The following TNFSF4 variants were observed in gnomAD, a reference collection of about 807,000 sequenced individuals.
TNFSF4 encodes TNF superfamily member 4.
A neutral mutation model predicts 7.3 loss-of-function variants in TNFSF4; 4 were observed. The observed-to-expected ratio is 0.55, with a 90% CI of 0.27 to 1.25. The LOEUF (loss-of-function observed/expected upper bound fraction) is 1.25. TNFSF4 is among the 50% of genes most tolerant of loss of function. The probability of loss-of-function intolerance (pLI) is 0.12; values close to 1 mark genes in which losing one functional copy is unlikely to be tolerated. For missense variants in TNFSF4, 181 were observed against 208.8 expected (o/e 0.87, Z 0.82); for synonymous variants, 76 against 83.7 (o/e 0.91, Z 0.50).
chr1:173,211,342 T>A (rs987620094), upstream of TNFSF4, among the ~76,000 whole-genome samples: 2 of 152,224 alleles, frequency 1.3e-5, no homozygotes, highest in African/African-American at 4.8e-5. Context: ...TGGTTAATGT[T>A]TTTGTACTCC....
At chr1:173,292,082 A>G in the TNFSF4 span, among the ~76,000 whole-genome samples, 1 of 152,050 alleles carries the variant, frequency 6.6e-6, no homozygotes, top group South Asian at 2.1e-4. Context: ...TATCAATCCT[A>G]CTGAAATTAT....
At chr1:173,173,595 T>C in the TNFSF4 span, among the ~76,000 whole-genome samples, 2 of 152,252 alleles carry the variant, frequency 1.3e-5, no homozygotes, top group Non-Finnish European at 2.9e-5. Flanking sequence ...CTCTGAAATC[T>C]AGGCAGAGGT....
At chr1:173,417,598 T>C in the TNFSF4 span, among the ~76,000 whole-genome samples, 4 of 152,310 alleles carry the variant, frequency 2.6e-5, no homozygotes, top group Non-Finnish European at 5.9e-5. Context: ...CAGAGTCCCA[T>C]AGAGGGTGAG....
At chr1:173,419,210 C>T in the TNFSF4 span, among the ~76,000 whole-genome samples, 2 of 151,980 alleles carry the variant, frequency 1.3e-5, no homozygotes, top group Admixed American at 6.6e-5. Context: ...GGTGTGGTGG[C>T]GGGCACCTGT....
chr1:173,411,819 T>A, the TNFSF4 span, among the ~76,000 whole-genome samples: 81,488 of 150,146 alleles, frequency 0.54, 23,841 homozygotes, highest in Middle Eastern at 0.74. Flanking sequence ...AATAAAAAAA[T>A]TTTAAAAAGG....
chr1:173,400,622 G>T, the TNFSF4 span, among the ~76,000 whole-genome samples: 2 of 152,208 alleles, frequency 1.3e-5, no homozygotes, highest in African/African-American at 4.8e-5. Flanking sequence ...AAAAAAAGGA[G>T]TTCCTTTGCT....
chr1:173,187,561 A>G (rs1649284953), intron 2 of TNFSF4, among the ~76,000 whole-genome samples: 1 of 152,192 alleles, frequency 6.6e-6, no homozygotes, highest in Non-Finnish European at 1.5e-5. Flanking sequence ...CTGTGGATTC[A>G]GGGTGGGCTC....
chr1:173,331,074 G>A, the TNFSF4 span, among the ~76,000 whole-genome samples: 9 of 151,888 alleles, frequency 5.9e-5, no homozygotes, highest in African/African-American at 1.9e-4. Context: ...TAGTGGAGAC[G>A]GGGTTTCACC....
At chr1:173,242,805 C>T in the TNFSF4 span, among the ~76,000 whole-genome samples, 1 of 152,238 alleles carries the variant, frequency 6.6e-6, no homozygotes, top group East Asian at 1.9e-4. Context: ...AGAGTGTCCC[C>T]TGCAGTCTAC....
the TNFSF4 span, among the ~76,000 whole-genome samples, chr1:173,250,755 G>A: frequency 2.0e-5 from 3 of 152,106 alleles, no homozygotes; most frequent in African/African-American, 4.8e-5. Flanking sequence ...CACCGCGCCC[G>A]GCCTCTCCAG....
the TNFSF4 span, among the ~76,000 whole-genome samples, chr1:173,357,845 C>G: frequency 1.8e-4 from 27 of 152,118 alleles, no homozygotes; most frequent in Non-Finnish European, 3.4e-4. Context: ...TCTTCCATCA[C>G]ACCACTCTGC....
the TNFSF4 span, among the ~76,000 whole-genome samples, chr1:173,258,800 A>T: frequency 6.6e-6 from 1 of 152,150 alleles, no homozygotes; most frequent in Non-Finnish European, 1.5e-5. Context: ...GTTTCCCTGC[A>T]GGAATTTCAG....
At chr1:173,340,198 C>T in the TNFSF4 span, among the ~76,000 whole-genome samples, 1 of 152,060 alleles carries the variant, frequency 6.6e-6, no homozygotes. Context: ...GGTCTCGAGC[C>T]TAGTATCCTC....
At chr1:173,394,302 G>A in the TNFSF4 span, among the ~76,000 whole-genome samples, 3 of 150,940 alleles carry the variant, frequency 2.0e-5, no homozygotes, top group South Asian at 2.1e-4. Context: ...ATCCTGACTT[G>A]AGGACTGCAG....
the TNFSF4 span, among the ~76,000 whole-genome samples, chr1:173,385,849 GA>G: frequency 2.8e-5 from 4 of 140,938 alleles, no homozygotes; most frequent in Admixed American, 7.0e-5. Context: ...CTCAGAAAAA[GA>G]AAAAAAAAAG....
At chr1:173,416,044 A>C in the TNFSF4 span, among the ~76,000 whole-genome samples, 1 of 152,170 alleles carries the variant, frequency 6.6e-6, no homozygotes, top group East Asian at 1.9e-4. Context: ...CCAGGCCAGA[A>C]GATTGGCTCC....
the TNFSF4 span, among the ~76,000 whole-genome samples, chr1:173,217,681 G>C: frequency 6.6e-6 from 1 of 152,014 alleles, no homozygotes; most frequent in Non-Finnish European, 1.5e-5. Context: ...ATAATATTTT[G>C]GATCTATTAT....
the TNFSF4 span, among the ~76,000 whole-genome samples, chr1:173,300,112 TAGATAGATAG>T: frequency 1.1e-4 from 1 of 9,054 alleles, no homozygotes; most frequent in Non-Finnish European, 3.7e-4. Context: ...GATAGATAGA[TAGATAGATAG>T]ATAGATAGAT....
the TNFSF4 span, among the ~76,000 whole-genome samples, chr1:173,329,581 T>C: frequency 6.6e-6 from 1 of 152,118 alleles, no homozygotes; most frequent in Admixed American, 6.6e-5. Flanking sequence ...TAGTTGTCTA[T>C]TAGAGCAGGG....
Sources: gnomAD v4.1 joint callset for allele counts (sites outside exome capture counted in the v4.1 genomes callset) on GRCh38, gnomAD v4.1.1 for gene constraint, MANE v1.5 for transcripts, NCBI Gene and HGNC (gene_info 2026-07-23, HGNC 2026-07-21) for gene names.